The following HMBOX1 variants were observed in gnomAD, a reference collection of about 807,000 sequenced individuals.
The protein encoded by HMBOX1 is homeobox containing 1.
HMBOX1 carries 14 observed loss-of-function variants against 54.5 expected under a neutral mutation model. The ratio of observed to expected loss-of-function variants is 0.26; its 90% CI spans 0.17 to 0.40. The LOEUF is 0.40. Ranked by LOEUF, HMBOX1 falls within the 10% of genes least tolerant of loss-of-function variation. HMBOX1 has a pLI of 1.00. For missense variants in HMBOX1, 332 were observed against 514.4 expected (o/e 0.65, Z 3.43); for synonymous variants, 160 against 181.0 (o/e 0.88, Z 0.93).
chr8:28,962,298 A>AAT (rs1316103731), intron 1 of HMBOX1, among the ~76,000 whole-genome samples: 1 of 152,172 alleles, frequency 6.6e-6, no homozygotes, highest in African/African-American at 2.4e-5. Context: ...TAACTGACAT[A>AAT]ATTCAGTGTC....
chr8:28,925,428 A>G (rs1818279422), intron 1 of HMBOX1, among the ~76,000 whole-genome samples: 1 of 151,962 alleles, frequency 6.6e-6, no homozygotes, highest in African/African-American at 2.4e-5. Flanking sequence ...CCATGTAGTT[A>G]TTGTTTAATC....
Position 29,029,486 on chromosome 8 carries a change from C to G in HMBOX1, c.851+10573C>G, listed in dbSNP as rs187544034. Among the ~76,000 whole-genome samples the G allele has an allele frequency of 7.2e-5, 11 of 152,248 alleles. No individual in the cohort carries two copies. The East Asian group carries it at 2.1e-3, about 29-fold the overall frequency. ...AAAAATATAAATTGCATCTACTGAC[C>G]ACTGATTCCATTTAAGCAGTCCAGG... On this transcript the variant is annotated intron_variant, in intron 6 of 9. Coordinates refer to ENST00000287701, the MANE Select transcript of HMBOX1 (RefSeq NM_001135726.3).
chr8:28,968,526 CATAAA>C (rs1414948109), intron 2 of HMBOX1, among the ~76,000 whole-genome samples: 4 of 152,144 alleles, frequency 2.6e-5, no homozygotes, highest in South Asian at 2.1e-4. Context: ...AATCCATCAA[CATAAA>C]ATGAAATGAA....
At chr8:29,004,654 T>C (rs977321813) in intron 4 of HMBOX1, among the ~76,000 whole-genome samples, 1 of 152,180 alleles carries the variant, frequency 6.6e-6, no homozygotes, top group African/African-American at 2.4e-5. Flanking sequence ...TTTTAGTCTC[T>C]CAATGTGTGA....
At chr8:28,943,414 A>T (rs895533064) in intron 1 of HMBOX1, among the ~76,000 whole-genome samples, 4 of 152,204 alleles carry the variant, frequency 2.6e-5, no homozygotes, top group African/African-American at 4.8e-5. Flanking sequence ...GACTAGGCAG[A>T]TAAGGGTTAG....
chr8:28,917,904 A>G, intron 1 of HMBOX1, among the ~76,000 whole-genome samples: 1 of 152,020 alleles, frequency 6.6e-6, no homozygotes, highest in Admixed American at 6.6e-5. Flanking sequence ...AGTTGGCTAC[A>G]GTTTTGTTGA....
At chr8:28,971,356 G>T (rs1480709469) in intron 3 of HMBOX1, among the ~76,000 whole-genome samples, 1 of 152,098 alleles carries the variant, frequency 6.6e-6, no homozygotes, top group Non-Finnish European at 1.5e-5. Context: ...CTCCCAAAGT[G>T]CTGGGATTAC....
intron 1 of HMBOX1, chr8:28,891,926 G>A (rs1406958515): frequency 6.6e-6 from 1 of 152,180 alleles, no homozygotes; most frequent in African/African-American, 2.4e-5. Context: ...AGAGTGATGT[G>A]ACTAGCTCAT....
chr8:29,042,684 G>A (rs1327044327), intron 6 of HMBOX1: 1 of 456,146 alleles, frequency 2.2e-6, no homozygotes, highest in Non-Finnish European at 4.4e-6. Context: ...ATAAATGGAA[G>A]TTGCTTTCTG....
At chr8:28,914,144 A>G (rs912983028) in intron 1 of HMBOX1, among the ~76,000 whole-genome samples, 1 of 152,194 alleles carries the variant, frequency 6.6e-6, no homozygotes, top group Non-Finnish European at 1.5e-5. Flanking sequence ...CTGGGATTAC[A>G]GGCGTGAGCT....
chr8:28,893,819 AGTC>A (rs1811519151), intron 1 of HMBOX1, among the ~76,000 whole-genome samples: 1 of 152,154 alleles, frequency 6.6e-6, no homozygotes, highest in African/African-American at 2.4e-5. Flanking sequence ...GTGTATTTTG[AGTC>A]TCCTGTACAC....
intron 4 of HMBOX1, among the ~76,000 whole-genome samples, chr8:29,005,955 A>G (rs933104030): frequency 6.6e-6 from 1 of 150,948 alleles, no homozygotes; most frequent in African/African-American, 2.4e-5. Flanking sequence ...AGTAGTCTAT[A>G]GCAGAATGTG....
chr8:28,940,710 A>C (rs1248969483), intron 1 of HMBOX1, among the ~76,000 whole-genome samples: 1 of 152,186 alleles, frequency 6.6e-6, no homozygotes, highest in Non-Finnish European at 1.5e-5. Flanking sequence ...ACTGATACGT[A>C]ATTTATCTCT....
chr8:28,931,433 A>G (rs1400928149), intron 1 of HMBOX1, among the ~76,000 whole-genome samples: 1 of 152,196 alleles, frequency 6.6e-6, no homozygotes, highest in Non-Finnish European at 1.5e-5. Context: ...ATAATCTAAT[A>G]CTTGTACCTT....
At chr8:28,936,002 A>T (rs1820343457) in intron 1 of HMBOX1, among the ~76,000 whole-genome samples, 1 of 152,084 alleles carries the variant, frequency 6.6e-6, no homozygotes, top group Admixed American at 6.5e-5. Context: ...AAAAAATAGA[A>T]AAGAATATAT....
At chr8:29,022,540 T>C (rs1801349980) in intron 6 of HMBOX1, among the ~76,000 whole-genome samples, 1 of 152,208 alleles carries the variant, frequency 6.6e-6, no homozygotes, top group Non-Finnish European at 1.5e-5. Flanking sequence ...ACTATGTCAA[T>C]AAATTATAGC....
intron 1 of HMBOX1, among the ~76,000 whole-genome samples, chr8:28,948,042 C>T (rs1277926662): frequency 6.6e-6 from 1 of 152,162 alleles, no homozygotes; most frequent in East Asian, 1.9e-4. Context: ...CCTTCCTTGG[C>T]CTCTCAAAGT....
At chr8:28,992,587 C>T (rs536527371) in intron 4 of HMBOX1, among the ~76,000 whole-genome samples, 2 of 152,038 alleles carry the variant, frequency 1.3e-5, no homozygotes, top group East Asian at 3.9e-4. Flanking sequence ...GTATACAATG[C>T]TGGCTGGGCG....
chr8:28,980,200 C>CT (rs1299756131), intron 4 of HMBOX1, 44 bp downstream of exon 4: 5 of 1,372,592 alleles, frequency 3.6e-6, no homozygotes, highest in Non-Finnish European at 5.2e-6. Context: ...TGTGTAGTCT[C>CT]TGCCTTCTGG....
Sources: allele counts gnomAD v4.1 joint callset (sites outside exome capture counted in the v4.1 genomes callset), GRCh38; gene constraint gnomAD v4.1.1; transcripts MANE v1.5; gene names NCBI Gene and HGNC (gene_info 2026-07-23, HGNC 2026-07-21).